Variants in GLIS1 observed in about 807,000 individuals in gnomAD.
The protein encoded by GLIS1 is zinc finger protein GLIS1.
In GLIS1, 24 loss-of-function variants were observed where a neutral mutation model predicts 63.8. The observed-to-expected ratio is 0.38, with a 90% CI of 0.27 to 0.53. The LOEUF (loss-of-function observed/expected upper bound fraction) is 0.53. GLIS1 is among the 20% of genes least tolerant of loss of function. The pLI is 0.85. For missense variants in GLIS1, 1,036 were observed against 1,074.1 expected, an observed-to-expected ratio of 0.96 and a Z score of 0.50; for synonymous variants, 450 against 482.5, an observed-to-expected ratio of 0.93 and a Z score of 0.88.
chr1:53,600,316 G>A, intron 2 of GLIS1, 38 bp from the exon 3 acceptor site: 1 of 1,218,606 alleles, frequency 8.2e-7, no homozygotes, highest in African/African-American at 1.6e-5. Flanking sequence ...GACACAGTGA[G>A]TGGGAACAGC....
chr1:53,594,884 A>G lies in GLIS1; in HGVS notation c.544T>C (p.Ser182Pro), dbSNP rs1228790261. ...GGGCCCCGACAGTGGGCAGACAGGG[A>G]TGTGCGGGCCTCTGCCATGGCTTGG... ...DYQAMAEART[S>P]LSAHCRGPLA... Residue 182 changes from serine to proline, a missense_variant, in exon 4 of 11, where the codon TCC becomes CCC. This residue lies in a region of GLIS1 where 592 missense variants were observed against 593.9 expected (regional missense o/e 1.00). Coordinates refer to ENST00000628545, the MANE Select transcript of GLIS1 (RefSeq NM_001367484.1). 4 of 1,560,168 alleles carry G rather than the reference A, an allele frequency of 2.6e-6. No individual in the cohort carries two copies. The East Asian group carries it at 9.0e-5, about 35-fold the overall frequency.
chr1:53,652,287 G>A (rs1255563145), intron 2 of GLIS1, among the ~76,000 whole-genome samples: 3 of 152,134 alleles, frequency 2.0e-5, no homozygotes, highest in African/African-American at 7.2e-5. Context: ...GAGATGAGTT[G>A]GCCGCGGCTC....
intron 4 of GLIS1, among the ~76,000 whole-genome samples, chr1:53,569,945 T>C (rs185688781): frequency 6.6e-6 from 1 of 152,210 alleles, no homozygotes; most frequent in East Asian, 1.9e-4. Flanking sequence ...AAAGAACATG[T>C]TTATGAACAA....
intron 4 of GLIS1, among the ~76,000 whole-genome samples, chr1:53,583,035 A>T (rs1187647692): frequency 6.6e-6 from 1 of 152,240 alleles, no homozygotes. Flanking sequence ...ATGACCCCGT[A>T]AGCCAAACTG....
At chr1:53,567,896 A>G (rs1216933038) in intron 4 of GLIS1, among the ~76,000 whole-genome samples, 1 of 152,250 alleles carries the variant, frequency 6.6e-6, no homozygotes, top group East Asian at 1.9e-4. Flanking sequence ...TCCAGGCAGA[A>G]GTCTGCTACA....
At chr1:53,736,512 C>G (rs1262661698) in intron 2 of GLIS1, among the ~76,000 whole-genome samples, 1 of 152,154 alleles carries the variant, frequency 6.6e-6, no homozygotes, top group Non-Finnish European at 1.5e-5. Flanking sequence ...GCAAACATTA[C>G]TCATGTCTCG....
At chr1:53,603,458 C>T (rs765241154) in intron 2 of GLIS1, among the ~76,000 whole-genome samples, 2 of 152,330 alleles carry the variant, frequency 1.3e-5, no homozygotes, top group Non-Finnish European at 2.9e-5. Flanking sequence ...ACTGCAAACA[C>T]GTGTCCCAGA....
Position 53,567,265 on chromosome 1 carries a change from T to G in GLIS1, c.1320+26843A>C, listed in dbSNP as rs114351715. On this transcript the variant is annotated intron_variant, in intron 4 of 10. Transcript: ENST00000628545. ...CCTGCTCTAGGGATCTGTGGAACTT[T>G]GAATTTGAAAGAGATGATTTAGGGC... Among the ~76,000 whole-genome samples, 1,478 of 152,310 alleles carry G rather than the reference T, an allele frequency of 9.7e-3. 19 individuals are homozygous for G. The highest frequency in any genetic ancestry group is 0.034 in the African/African-American group (1,413 of 41,562).
intron 2 of GLIS1, among the ~76,000 whole-genome samples, chr1:53,693,686 A>T (rs78000481): frequency 0.074 from 11,276 of 152,144 alleles, 638 homozygotes; most frequent in Non-Finnish European, 0.1. Flanking sequence ...GGCATCATAA[A>T]GCAGGCGCTC....
rs772876213 is a variant in GLIS1 at position 53,506,625 on chromosome 1, G to A, written c.2382C>T (p.Asp794=). The A allele has an allele frequency of 5.0e-6, 8 of 1,613,334 alleles. No homozygotes were observed. The African/African-American group carries it at 1.1e-4, about 22-fold the overall frequency. ...GGCGCATGTGGGGGCTCCTTCAGGT[G>A]TCTGTGTAGATGGAGGGGATGTGGC... is the stretch of plus-strand genomic sequence containing the variant. The part of the protein sequence containing the change: ...CLGHIPSIYT[D]T The change falls in exon 11 of 11, where the codon GAC becomes GAT. Residue 794 remains aspartate, a synonymous_variant. Coordinates refer to ENST00000628545, the MANE Select transcript of GLIS1 (RefSeq NM_001367484.1).
intron 4 of GLIS1, among the ~76,000 whole-genome samples, chr1:53,534,822 G>A (rs1644566584): frequency 6.6e-6 from 1 of 152,006 alleles, no homozygotes; most frequent in Non-Finnish European, 1.5e-5. Flanking sequence ...TCTGAGCTGA[G>A]ACCCAAGGGC....
At chr1:53,637,600 C>T (rs975924623) in intron 2 of GLIS1, among the ~76,000 whole-genome samples, 6 of 152,188 alleles carry the variant, frequency 3.9e-5, no homozygotes, top group Non-Finnish European at 8.8e-5. Context: ...GAAAAGTACA[C>T]ATACGGCTGA....
intron 4 of GLIS1, among the ~76,000 whole-genome samples, chr1:53,550,403 G>A (rs1569807292): frequency 6.6e-6 from 1 of 152,230 alleles, no homozygotes; most frequent in African/African-American, 2.4e-5. Flanking sequence ...TTGCCCCAGG[G>A]CTGGGAGGGT....
chr1:53,565,371 A>C (rs1225362063), intron 4 of GLIS1, among the ~76,000 whole-genome samples: 1 of 152,080 alleles, frequency 6.6e-6, no homozygotes, highest in Non-Finnish European at 1.5e-5. Context: ...AAAAGGAAGG[A>C]GATAATAAAG....
rs1354079803 is a variant in GLIS1, at chr1:53,635,974, T to C, written c.260-35696A>G. 4.6e-5 allele frequency among the ~76,000 whole-genome samples: 7 copies of C among 152,282 alleles called. No individual in the cohort carries two copies. In the South Asian group the frequency reaches 8.3e-4, roughly 18 times the overall value. ...TTTTAAATCTTCCCATAAAGAAAAC[T>C]CCAGACCCAGTTGGCTTTTCCAGTA... On this transcript the variant is annotated intron_variant, in intron 2 of 10. Transcript: ENST00000628545.
chr1:53,514,741 TG>T lies in GLIS1; in HGVS notation c.1766del (p.Ala589AspfsTer49). The T allele has an allele frequency of 6.2e-7, 1 of 1,610,022 alleles. No homozygotes were observed. The highest frequency in any genetic ancestry group is 8.5e-7 in the Non-Finnish European group (1 of 1,178,164). On this transcript the variant is annotated frameshift_variant, in exon 8 of 11. Coordinates refer to ENST00000628545, the MANE Select transcript of GLIS1 (RefSeq NM_001367484.1). LOFTEE classifies it high-confidence loss of function. Reference sequence around the variant, plus strand: ...CGTGCGCTGGGGGCAGGAGGCCCGATGCAAGTCCGTTATGGGGGGTGATGGA... The same window carrying T: ...CGTGCGCTGGGGGCAGGAGGCCCGATCAAGTCCGTTATGGGGGGTGATGGA... ...PGSITPHNGL[A>X]SGLLPPAHDV...
chr1:53,597,972 T>C (rs560884538), intron 3 of GLIS1, among the ~76,000 whole-genome samples: 2 of 152,238 alleles, frequency 1.3e-5, no homozygotes, highest in East Asian at 1.9e-4. Flanking sequence ...TGAGAGATAA[T>C]AGAATGAATT....
intron 7 of GLIS1, among the ~76,000 whole-genome samples, chr1:53,518,623 G>T (rs1370967608): frequency 1.3e-5 from 2 of 152,188 alleles, no homozygotes; most frequent in Non-Finnish European, 2.9e-5. Flanking sequence ...TCAAAGCAGG[G>T]AAGATACCAC....
intron 4 of GLIS1, among the ~76,000 whole-genome samples, chr1:53,556,325 G>GGT (rs1194724830): frequency 7.3e-6 from 1 of 136,572 alleles, no homozygotes; most frequent in Admixed American, 7.4e-5. Context: ...GTGTACTGCA[G>GGT]GTGTGTGTGT....
Sources: allele counts gnomAD v4.1 joint callset (sites outside exome capture counted in the v4.1 genomes callset), GRCh38; gene constraint gnomAD v4.1.1; regional missense constraint gnomAD v4.1.1; transcripts MANE v1.5; gene names NCBI Gene and HGNC (gene_info 2026-07-23, HGNC 2026-07-21).